KCNH8: variants seen among roughly 807,000 people sequenced by gnomAD.
KCNH8 encodes the protein potassium voltage-gated channel subfamily H member 8, also known as voltage-gated delayed rectifier potassium channel KCNH8.
A neutral mutation model predicts 103.6 loss-of-function variants in KCNH8; 70 were observed. That is an observed-to-expected ratio of 0.68 (90% CI 0.56 to 0.82). The LOEUF (loss-of-function observed/expected upper bound fraction) is 0.82, where lower values mean the gene tolerates loss of function less well. Among genes scored for constraint, KCNH8 ranks in the 40% least tolerant of loss-of-function variants. The probability of loss-of-function intolerance (pLI) is 0.00; values close to 1 mark genes in which losing one functional copy is unlikely to be tolerated. For synonymous variants in KCNH8, 498 were observed against 489.4 expected, an observed-to-expected ratio of 1.02 and a Z score of -0.23; for missense variants, 1,217 against 1,329.9, an observed-to-expected ratio of 0.92 and a Z score of 1.32.
At chr3:19,286,384 T>C (rs1035155576) in intron 3 of KCNH8, among the ~76,000 whole-genome samples, 6 of 152,192 alleles carry the variant, frequency 3.9e-5, no homozygotes, top group African/African-American at 1.4e-4. Context: ...ACACCAGCGG[T>C]GTGAATGCAC....
chr3:19,520,350 T>A (rs2068950446), intron 15 of KCNH8, among the ~76,000 whole-genome samples: 1 of 151,954 alleles, frequency 6.6e-6, no homozygotes, highest in Admixed American at 6.6e-5. Context: ...AAGGAAAATA[T>A]CTGATTTATT....
intron 8 of KCNH8, among the ~76,000 whole-genome samples, chr3:19,439,644 G>A (rs976322246): frequency 3.9e-5 from 6 of 152,168 alleles, no homozygotes; most frequent in African/African-American, 1.4e-4. Flanking sequence ...CATATTTGCA[G>A]AGATCATGCT....
intron 3 of KCNH8, among the ~76,000 whole-genome samples, chr3:19,289,826 T>A (rs1261033685): frequency 1.3e-5 from 2 of 152,196 alleles, no homozygotes; most frequent in Admixed American, 6.5e-5. Context: ...AATCTATAAA[T>A]TACCTTGGGC....
chr3:19,385,094 G>A (rs1040201015), intron 5 of KCNH8, among the ~76,000 whole-genome samples: 11 of 151,932 alleles, frequency 7.2e-5, no homozygotes, highest in African/African-American at 2.7e-4. Context: ...CTTGACGACT[G>A]ATCTCAGATA....
rs79233629 is a variant in KCNH8, at chr3:19,282,504, T to C, written c.442+1175T>C. Among the ~76,000 whole-genome samples the C allele has an allele frequency of 3.6e-3, 548 of 152,290 alleles. 17 individuals carry two copies. The East Asian group carries it at 0.067, about 19-fold the overall frequency. On this transcript the variant is annotated intron_variant, in intron 3 of 15. Coordinates refer to ENST00000328405, the MANE Select transcript of KCNH8 (RefSeq NM_144633.3). ...GAATAAAATTATTCAAACATGTAAG[T>C]ATATATTCATATTATGTACATTCAC...
chr3:19,294,351 T>C (rs59575962), intron 3 of KCNH8, among the ~76,000 whole-genome samples: 17,294 of 152,250 alleles, frequency 0.11, 3,065 homozygotes, highest in African/African-American at 0.38. Flanking sequence ...TGGAACATTG[T>C]AGTAATGTTC....
intron 3 of KCNH8, among the ~76,000 whole-genome samples, chr3:19,308,289 T>TA (rs34959478): frequency 1.6e-3 from 226 of 142,810 alleles, no homozygotes; most frequent in East Asian, 0.013. Flanking sequence ...TTTCCCTCAT[T>TA]AAAAAAAAAA....
intron 7 of KCNH8, among the ~76,000 whole-genome samples, chr3:19,407,568 TC>T (rs984349780): frequency 1.3e-5 from 2 of 151,898 alleles, no homozygotes; most frequent in African/African-American, 4.8e-5. Context: ...CAGGCAGATA[TC>T]CAGGTATTTG....
Position 19,534,056 on chromosome 3 carries a change from C to A in KCNH8, c.3281C>A (p.Thr1094Lys). ...PLENLPLEVV[T>K]STAEVKDNKA... ...GAGAACCTTCCACTGGAAGTTGTCA[C>A]AAGCACAGCAGAAGTGAAAGATAAC... Residue 1094 changes from threonine (T) to lysine (K), a missense_variant, in exon 16 of 16, where the codon ACA becomes AAA. Thr to Lys is a moderately conservative substitution (Grantham distance 78). Around this residue, in one of 3 missense-constraint regions of KCNH8, gnomAD observed 558 missense variants for 495.8 expected, o/e 1.13. Coordinates refer to ENST00000328405, the MANE Select transcript of KCNH8 (RefSeq NM_144633.3). 1 of 1,614,118 alleles carries A rather than the reference C, an allele frequency of 6.2e-7. No homozygotes were observed. Among genetic ancestry groups the A allele is most frequent in the Non-Finnish European group, 8.5e-7 (1 of 1,179,990 alleles).
At chr3:19,284,510 TGTGTG>T (rs2064801525) in intron 3 of KCNH8, among the ~76,000 whole-genome samples, 1 of 83,432 alleles carries the variant, frequency 1.2e-5, no homozygotes, top group Admixed American at 1.4e-4. Context: ...GATCTGCTGG[TGTGTG>T]TGTGTGTGTG....
chr3:19,230,046 A>C (rs2063976321), intron 1 of KCNH8, among the ~76,000 whole-genome samples: 1 of 152,162 alleles, frequency 6.6e-6, no homozygotes, highest in Non-Finnish European at 1.5e-5. Context: ...CTCTTCTTAC[A>C]TGGTGGCGGA....
chr3:19,152,661 C>T lies in KCNH8; in HGVS notation c.76+3866C>T, dbSNP rs547315502. Among the ~76,000 whole-genome samples the T allele has an allele frequency of 1.5e-3, 233 of 152,260 alleles. 3 individuals are homozygous for T. Among genetic ancestry groups the T allele is most frequent in the African/African-American group, 4.9e-3 (204 of 41,546 alleles). On this transcript the variant is annotated intron_variant, in intron 1 of 15. Coordinates refer to ENST00000328405, the MANE Select transcript of KCNH8 (RefSeq NM_144633.3). ...GAAATTTGTTAAAATTGATGCTGGGCGCAGTGGCTCACGCCTGTAATCCCA... is the reference window on the plus strand; with the variant it reads ...GAAATTTGTTAAAATTGATGCTGGGTGCAGTGGCTCACGCCTGTAATCCCA...
At chr3:19,461,129 A>G (rs2067620045) in intron 11 of KCNH8, among the ~76,000 whole-genome samples, 1 of 152,182 alleles carries the variant, frequency 6.6e-6, no homozygotes, top group Non-Finnish European at 1.5e-5. Context: ...TTAGTTCAAT[A>G]TAAGTTACTT....
chr3:19,304,366 A>G (rs1407506421), intron 3 of KCNH8, among the ~76,000 whole-genome samples: 1 of 152,162 alleles, frequency 6.6e-6, no homozygotes, highest in Non-Finnish European at 1.5e-5. Context: ...GGAGCTTCTT[A>G]TGGAAAAGGT....
chr3:19,199,747 G>A (rs115915121), intron 1 of KCNH8, among the ~76,000 whole-genome samples: 1,831 of 151,914 alleles, frequency 0.012, 41 homozygotes, highest in African/African-American at 0.042. Flanking sequence ...GATATATTGA[G>A]TAAAATATGT....
chr3:19,210,668 A>G (rs74504197), intron 1 of KCNH8, among the ~76,000 whole-genome samples: 4,955 of 151,924 alleles, frequency 0.033, 147 homozygotes, highest in Non-Finnish European at 0.043. Flanking sequence ...ACAGAAGGTT[A>G]AGTTTCATAA....
At chr3:19,284,829 G>T (rs1375599593) in intron 3 of KCNH8, among the ~76,000 whole-genome samples, 2 of 148,806 alleles carry the variant, frequency 1.3e-5, no homozygotes, top group Admixed American at 6.8e-5. Context: ...TTTTGTTGCT[G>T]ATCAGAAATC....
At chr3:19,364,663 A>AT (rs971067081) in intron 5 of KCNH8, among the ~76,000 whole-genome samples, 2 of 152,196 alleles carry the variant, frequency 1.3e-5, no homozygotes, top group African/African-American at 4.8e-5. Context: ...AAATGTAGGG[A>AT]TTTTACATGT....
At chr3:19,458,399 C>T (rs1392791792) in intron 11 of KCNH8, among the ~76,000 whole-genome samples, 5 of 151,762 alleles carry the variant, frequency 3.3e-5, no homozygotes, top group Non-Finnish European at 5.9e-5. Flanking sequence ...AGAGAAAAAT[C>T]GCTAATATTC....
Sources: allele counts gnomAD v4.1 joint callset (sites outside exome capture counted in the v4.1 genomes callset), GRCh38; gene constraint gnomAD v4.1.1; regional missense constraint gnomAD v4.1.1; transcripts MANE v1.5; gene names NCBI Gene and HGNC (gene_info 2026-07-23, HGNC 2026-07-21).